The following SLC35F3 variants were observed in gnomAD, a reference collection of about 807,000 sequenced individuals.
SLC35F3 encodes the protein putative thiamine transporter SLC35F3.
SLC35F3 carries 25 observed loss-of-function variants against 49.9 expected under a neutral mutation model. That is an observed-to-expected ratio of 0.50 (90% CI 0.37 to 0.70). The LOEUF (loss-of-function observed/expected upper bound fraction) is 0.70. Ranked by LOEUF, SLC35F3 falls within the 30% of genes least tolerant of loss-of-function variation. The pLI is 0.00. For missense variants in SLC35F3, 525 were observed against 639.8 expected (o/e 0.82, Z 1.94); for synonymous variants, 275 against 265.4 (o/e 1.04, Z -0.35).
intron 3 of SLC35F3, among the ~76,000 whole-genome samples, chr1:234,300,033 TAAAA>T (rs34992030): frequency 2.6e-5 from 4 of 151,584 alleles, no homozygotes; most frequent in African/African-American, 9.7e-5. Flanking sequence ...AAATTTGCAG[TAAAA>T]AAATATAACT....
chr1:233,950,338 A>C (rs1339262327), intron 2 of SLC35F3, among the ~76,000 whole-genome samples: 1 of 141,554 alleles, frequency 7.1e-6, no homozygotes, highest in Non-Finnish European at 1.5e-5. Flanking sequence ...GTGAGCCGAG[A>C]TCACGCCACT....
At chr1:234,256,294 C>T (rs10910399) in intron 3 of SLC35F3, among the ~76,000 whole-genome samples, 31,443 of 152,072 alleles carry the variant, frequency 0.21, 4,340 homozygotes, top group East Asian at 0.73. Context: ...TATATCTTGA[C>T]TGTGGCTGAG....
intron 2 of SLC35F3, among the ~76,000 whole-genome samples, chr1:233,996,413 CT>C (rs1663461685): frequency 6.6e-6 from 1 of 152,082 alleles, no homozygotes; most frequent in Non-Finnish European, 1.5e-5. Context: ...CTCATGGATA[CT>C]GAGGGGCAAC....
At chr1:234,143,644 G>C (rs940929313) in intron 2 of SLC35F3, among the ~76,000 whole-genome samples, 2 of 152,088 alleles carry the variant, frequency 1.3e-5, no homozygotes, top group East Asian at 3.9e-4. Flanking sequence ...GGTATTTGCT[G>C]TTCTGTGCCT....
rs192039913 is a variant in SLC35F3 at position 234,227,334 on chromosome 1, G to A, written c.284-4083G>A. 9.3e-5 allele frequency among the ~76,000 whole-genome samples: 14 copies of A among 150,560 alleles called. No individual in the cohort carries two copies. The East Asian group carries it at 2.6e-3, about 28-fold the overall frequency. On this transcript the variant is annotated intron_variant, in intron 2 of 7. Transcript: ENST00000366618. ...ACTAATGGTCCCAGGAGCTGTGGCAGTAAACAGTGTGAGACAAATTTTGGC... is the reference window on the plus strand; with the variant it reads ...ACTAATGGTCCCAGGAGCTGTGGCAATAAACAGTGTGAGACAAATTTTGGC...
chr1:234,137,082 T>A (rs893677948), intron 2 of SLC35F3, among the ~76,000 whole-genome samples: 1 of 151,986 alleles, frequency 6.6e-6, no homozygotes, highest in African/African-American at 2.4e-5. Flanking sequence ...GCACCATGAG[T>A]GAACTGGACA....
At chr1:234,247,467 G>A (rs966816897) in intron 3 of SLC35F3, among the ~76,000 whole-genome samples, 5 of 148,592 alleles carry the variant, frequency 3.4e-5, no homozygotes, top group Admixed American at 6.7e-5. Flanking sequence ...TGGTTGGTTG[G>A]TCCATTGCTT....
intron 2 of SLC35F3, among the ~76,000 whole-genome samples, chr1:233,948,102 C>T (rs1221552259): frequency 6.6e-6 from 1 of 150,482 alleles, no homozygotes; most frequent in East Asian, 2.0e-4. Context: ...GACTTGCTTG[C>T]ACCTCATGTG....
At chr1:233,923,811 T>A (rs1307839449) in intron 2 of SLC35F3, among the ~76,000 whole-genome samples, 1 of 152,186 alleles carries the variant, frequency 6.6e-6, no homozygotes, top group Admixed American at 6.5e-5. Flanking sequence ...TATTTTGAGA[T>A]ACATTCCATC....
intron 3 of SLC35F3, among the ~76,000 whole-genome samples, chr1:234,263,188 A>G (rs1249179535): frequency 6.6e-6 from 1 of 152,164 alleles, no homozygotes. Context: ...AAAGGGAGAG[A>G]CTAACAGAAG....
chr1:234,169,521 CTT>C (rs1666367080), intron 2 of SLC35F3, among the ~76,000 whole-genome samples: 1 of 152,170 alleles, frequency 6.6e-6, no homozygotes, highest in Non-Finnish European at 1.5e-5. Flanking sequence ...TGCCTGAAAA[CTT>C]TGCTGGATTT....
At chr1:234,141,748 C>G (rs116611433) in intron 2 of SLC35F3, among the ~76,000 whole-genome samples, 3,140 of 152,280 alleles carry the variant, frequency 0.021, 43 homozygotes, top group Non-Finnish European at 0.029. Flanking sequence ...TAAGTCCTCT[C>G]TACCTCCCAC....
intron 2 of SLC35F3, among the ~76,000 whole-genome samples, chr1:234,018,240 C>G (rs553232512): frequency 6.6e-6 from 1 of 152,146 alleles, no homozygotes; most frequent in African/African-American, 2.4e-5. Context: ...TAATGAGGAT[C>G]CACTGTATCT....
intron 2 of SLC35F3, among the ~76,000 whole-genome samples, chr1:233,979,479 G>T (rs978929956): frequency 3.9e-5 from 6 of 152,192 alleles, no homozygotes; most frequent in Non-Finnish European, 4.4e-5. Flanking sequence ...TTGTTCGCTC[G>T]CTTCTACGAA....
intron 3 of SLC35F3, among the ~76,000 whole-genome samples, chr1:234,258,654 C>A (rs921407465): frequency 6.6e-6 from 1 of 152,212 alleles, no homozygotes; most frequent in African/African-American, 2.4e-5. Flanking sequence ...TAAATTCTTC[C>A]CATAGCTATC....
At chr1:233,972,394 G>C (rs1312243387) in intron 2 of SLC35F3, among the ~76,000 whole-genome samples, 4 of 152,194 alleles carry the variant, frequency 2.6e-5, no homozygotes. Context: ...ATATATGTAT[G>C]ATATATTTCC....
intron 2 of SLC35F3, among the ~76,000 whole-genome samples, chr1:233,950,641 G>A (rs1489172867): frequency 6.6e-6 from 1 of 150,474 alleles, no homozygotes; most frequent in East Asian, 2.0e-4. Flanking sequence ...TCCATATGTT[G>A]AGTGCCACCT....
At chr1:234,196,324 G>A (rs1436105647) in intron 2 of SLC35F3, among the ~76,000 whole-genome samples, 3 of 152,234 alleles carry the variant, frequency 2.0e-5, no homozygotes, top group Non-Finnish European at 4.4e-5. Flanking sequence ...CTGCAGAACT[G>A]CCTCCAAGCT....
At chr1:233,946,890 G>A (rs1237613334) in intron 2 of SLC35F3, among the ~76,000 whole-genome samples, 1 of 152,230 alleles carries the variant, frequency 6.6e-6, no homozygotes, top group Non-Finnish European at 1.5e-5. Context: ...GAATGTGTGT[G>A]TGACCCAGGA....
Sources: allele counts gnomAD v4.1 joint callset (sites outside exome capture counted in the v4.1 genomes callset), GRCh38; gene constraint gnomAD v4.1.1; transcripts MANE v1.5; gene names NCBI Gene and HGNC (gene_info 2026-07-23, HGNC 2026-07-21).